The following NOTCH3 variants were observed in gnomAD, a reference collection of about 807,000 sequenced individuals.
NOTCH3 encodes the protein notch receptor 3.
A neutral mutation model predicts 213.3 loss-of-function variants in NOTCH3; 86 were observed. That is an observed-to-expected ratio of 0.40 (90% confidence interval 0.34 to 0.48). The LOEUF (loss-of-function observed/expected upper bound fraction) is 0.48. Among genes scored for constraint, NOTCH3 ranks in the 20% least tolerant of loss-of-function variants. The pLI, the probability that NOTCH3 is intolerant of heterozygous loss-of-function variation, is 0.57. For synonymous variants in NOTCH3, 1,354 were observed against 1,355.9 expected, an observed-to-expected ratio of 1.00 and a Z score of 0.03; for missense variants, 2,783 against 3,272.6, an observed-to-expected ratio of 0.85 and a Z score of 3.65.
At position 15,192,106 on chromosome 19, in the gene NOTCH3, G is replaced by A. The variant is rs769736007; in HGVS notation, c.533C>T (p.Pro178Leu). 3 of 1,613,062 alleles carry A rather than the reference G, an allele frequency of 1.9e-6. No homozygotes were observed. The highest frequency in any genetic ancestry group is 1.7e-5 in the Admixed American group (1 of 60,006). ...CRHGGTCLNTPGSFRCQCPAG... is the reference protein window; with the variant it reads ...CRHGGTCLNTLGSFRCQCPAG... ...TGGACACTGGCAGCGGAAGGAGCCA[G>A]GTGTGTTGAGGCAGGTGCCACCATG... The change falls in exon 4 of 33, where the codon CCT becomes CTT. Residue 178 changes from proline (P) to leucine (L), a missense_variant. Pro to Leu is a moderately conservative substitution (Grantham distance 98). Transcript: ENST00000263388.
intron 12 of NOTCH3, among the ~76,000 whole-genome samples, chr19:15,186,669 C>T (rs371398537): frequency 9.2e-5 from 14 of 152,280 alleles, no homozygotes; most frequent in African/African-American, 1.7e-4. Context: ...CCTCCCAGAG[C>T]GCTGGGATTA....
At position 15,187,971 on chromosome 19, in the gene NOTCH3, G is replaced by C; in HGVS notation, c.1516C>G (p.Leu506Val). 1.9e-6 allele frequency: 3 copies of C among 1,551,016 alleles called. No homozygotes were observed. The highest frequency in any genetic ancestry group is 2.6e-6 in the Non-Finnish European group (3 of 1,146,954). Residue 506 changes from leucine (L) to valine (V), a missense_variant, in exon 10 of 33, where the codon CTG (leucine) becomes GTG (valine). This residue lies in a region of NOTCH3 where 708 missense variants were observed against 906.6 expected (regional missense o/e 0.78). Transcript: ENST00000263388. ...PSGFSGSTCQ[L>V]DVDECASTPC... Reference sequence around the variant, plus strand: ...GTGCTGGCGCATTCGTCCACGTCCAGCTGACACGTGGAGCCGCTGAAGCCT... The same window carrying C: ...GTGCTGGCGCATTCGTCCACGTCCACCTGACACGTGGAGCCGCTGAAGCCT...
At chr19:15,175,241 TA>T (rs2046777170) in intron 24 of NOTCH3, among the ~76,000 whole-genome samples, 1 of 151,532 alleles carries the variant, frequency 6.6e-6, no homozygotes, top group South Asian at 2.1e-4. Flanking sequence ...ATCAATAAAA[TA>T]AAAATACAGG....
Position 15,184,461 on chromosome 19 carries a change from G to A in NOTCH3, c.2411-11C>T, listed in dbSNP as rs201130717. On this transcript the variant is annotated splice_polypyrimidine_tract_variant and intron_variant, in intron 15 of 32. Transcript: ENST00000263388. ...GCTGGCATCGTGGGCCTGGGGGTAG[G>A]GAGCAAGGTTACACCTAGGGTTACA... 6.2e-7 allele frequency: 1 copy of A among 1,613,572 alleles called. No individual in the cohort carries two copies. Among genetic ancestry groups the A allele is most frequent in the South Asian group, 1.1e-5 (1 of 91,048 alleles).
rs552779947 is a variant in NOTCH3 at position 15,161,724 on chromosome 19, C to G, written c.5914-10G>C. Reference sequence around the variant, plus strand: ...ATAGGGGGGTCTCCTCCTGGGGGGCCAGAACCCACAGAGGTCAGCGAAACC... The same window carrying G: ...ATAGGGGGGTCTCCTCCTGGGGGGCGAGAACCCACAGAGGTCAGCGAAACC... On this transcript the variant is annotated splice_polypyrimidine_tract_variant and intron_variant, in intron 32 of 32. Coordinates refer to ENST00000263388, the MANE Select transcript of NOTCH3 (RefSeq NM_000435.3). 9.4e-5 allele frequency: 151 copies of G among 1,612,100 alleles called. 1 individual carries two copies. In the South Asian group the frequency reaches 1.5e-3, roughly 16 times the overall value.
chr19:15,175,260 C>A (rs1033412040), intron 24 of NOTCH3, among the ~76,000 whole-genome samples: 3 of 151,162 alleles, frequency 2.0e-5, no homozygotes, highest in Admixed American at 2.0e-4. Flanking sequence ...AGGCTGGGTG[C>A]GGTGGCTCAT....
intron 32 of NOTCH3, among the ~76,000 whole-genome samples, chr19:15,161,980 G>GTTT (rs774470960): frequency 3.7e-5 from 3 of 81,736 alleles, no homozygotes; most frequent in Admixed American, 1.3e-4. Flanking sequence ...TTTTTTTCTT[G>GTTT]TCTTTTTTTT....
chr19:15,188,271 C>CA lies in NOTCH3; in HGVS notation c.1455_1456insT (p.Asp486Ter). The CA allele has an allele frequency of 1.2e-6, 2 of 1,604,962 alleles. No individual in the cohort carries two copies. Among genetic ancestry groups the CA allele is most frequent in the Non-Finnish European group, 1.7e-6 (2 of 1,175,520 alleles). ...GTGCAGCTGAAGCCATTGACTCGGT[C>CA]CTTGCAGACCCCACCGTTGACACAG... is the stretch of plus-strand genomic sequence containing the variant. On this transcript the variant is annotated frameshift_variant, in exon 9 of 33. Coordinates refer to ENST00000263388, the MANE Select transcript of NOTCH3 (RefSeq NM_000435.3). LOFTEE classifies it high-confidence loss of function.
chr19:15,186,804 CA>C, intron 12 of NOTCH3, 73 bp downstream of exon 12: 2 of 1,226,264 alleles, frequency 1.6e-6, no homozygotes, highest in Non-Finnish European at 2.4e-6. Context: ...AAGATACGGG[CA>C]AAACAGGCCC....
chr19:15,163,403 T>G (rs1482493679), intron 31 of NOTCH3, among the ~76,000 whole-genome samples: 1 of 152,210 alleles, frequency 6.6e-6, no homozygotes, highest in Non-Finnish European at 1.5e-5. Flanking sequence ...GCTCCAACTA[T>G]AGAACTAAAC....
Position 15,161,649 on chromosome 19 carries a change from G to T in NOTCH3, c.5979C>A (p.Asp1993Glu). 2 of 1,613,918 alleles carry T rather than the reference G, an allele frequency of 1.2e-6. No homozygotes were observed. Among genetic ancestry groups the T allele is most frequent in the South Asian group, 2.2e-5 (2 of 91,002 alleles). The change falls in exon 33 of 33, where the codon GAC becomes GAA. Residue 1993 changes from aspartate to glutamate, a missense_variant. Physicochemically the swap from Asp to Glu is conservative, Grantham distance 45. Around this residue, in one of 6 missense-constraint regions of NOTCH3, gnomAD observed 636 missense variants for 801.8 expected, o/e 0.79. Coordinates refer to ENST00000263388, the MANE Select transcript of NOTCH3 (RefSeq NM_000435.3). The part of the protein sequence containing the change: ...GSYEAAKLLL[D>E]HFANREITDH... ...CGGTGATCTCACGGTTGGCAAAGTGGTCCAACAGCAGCTTGGCAGCCTCAT... is the reference window on the plus strand; with the variant it reads ...CGGTGATCTCACGGTTGGCAAAGTGTTCCAACAGCAGCTTGGCAGCCTCAT...
intron 22 of NOTCH3, 36 bp downstream of exon 22, chr19:15,178,989 G>A: frequency 1.9e-6 from 3 of 1,614,132 alleles, no homozygotes; most frequent in African/African-American, 1.3e-5. Flanking sequence ...GGAATGACAG[G>A]CGGGGTCCCA....
Position 15,161,492 on chromosome 19 carries a change from G to T in NOTCH3, c.6136C>A (p.Pro2046Thr). 1 of 1,586,218 alleles carries T rather than the reference G, an allele frequency of 6.3e-7. No individual in the cohort carries two copies. Among genetic ancestry groups the T allele is most frequent in the Non-Finnish European group, 8.6e-7 (1 of 1,166,362 alleles). Residue 2046 changes from proline (P) to threonine (T), a missense_variant, in exon 33 of 33, where the codon CCA becomes ACA. Coordinates refer to ENST00000263388, the MANE Select transcript of NOTCH3 (RefSeq NM_000435.3). ...TTGAGGCCAGGGAGGAAGGCCCCTG[G>T]AGGACAGAGCAGAGGCCCCAGGCCG... ...PHGLGPLLCP[P>T]GAFLPGLKAA... is the part of the protein sequence containing the mutation.
chr19:15,165,829 G>A lies in NOTCH3; in HGVS notation c.5625C>T (p.Pro1875=), dbSNP rs200103009. 19 of 1,613,808 alleles carry A rather than the reference G, an allele frequency of 1.2e-5. No homozygotes were observed. The Admixed American group carries it at 2.2e-4, about 18-fold the overall frequency. The change falls in exon 30 of 33, where the codon CCC becomes CCT. Residue 1875 remains proline (P), a synonymous_variant. Coordinates refer to ENST00000263388, the MANE Select transcript of NOTCH3 (RefSeq NM_000435.3). This position sits in a 1 kb window ranked among gnomAD's most constrained non-coding sequence, Gnocchi z 4.7. The part of the protein sequence containing the change: ...TNAQDHSGRT[P]LHTAVTADAQ... ...CATCGGCTGTGACAGCTGTGTGCAG[G>A]GGAGTGCGGCCTGAGTGGTCCTGGG... is the stretch of plus-strand genomic sequence containing the variant.
intron 23 of NOTCH3, 24 bp from the exon 24 acceptor site, chr19:15,178,114 A>C: frequency 8.2e-7 from 1 of 1,225,642 alleles, no homozygotes; most frequent in African/African-American, 1.6e-5. Context: ...TTGGGGAGGG[A>C]GGGATAAAAA....
In NOTCH3 at chr19:15,161,749, C is replaced by T. The variant is rs200640406; in HGVS notation, c.5914-35G>A. ...CAGAACCCACAGAGGTCAGCGAAAC[C>T]CCAGCTAACAGTAGCAAAGTCTTCC... On this transcript the variant is annotated intron_variant, in intron 32 of 32. Transcript: ENST00000263388. 6.1e-5 allele frequency: 97 copies of T among 1,596,164 alleles called. No homozygotes were observed. In the African/African-American group the frequency reaches 1.2e-3, roughly 20 times the overall value.
At chr19:15,170,849 C>A (rs375515905) in intron 25 of NOTCH3, 24 bp from the exon 26 acceptor site, 2 of 1,611,896 alleles carry the variant, frequency 1.2e-6, no homozygotes, top group Non-Finnish European at 1.7e-6. Context: ...AGGGAGGGAC[C>A]AGAGGGCTCA....
At position 15,161,510 on chromosome 19, in the gene NOTCH3, C is replaced by T; in HGVS notation, c.6118G>A (p.Gly2040Arg). Residue 2040 changes from glycine (G) to arginine (R), a missense_variant, in exon 33 of 33, where the codon GGG becomes AGG. Physicochemically the swap from Gly to Arg is moderately radical, Grantham distance 125. Coordinates refer to ENST00000263388, the MANE Select transcript of NOTCH3 (RefSeq NM_000435.3). The stretch of plus-strand genomic sequence containing the variant: ...GCCCCTGGAGGACAGAGCAGAGGCC[C>T]CAGGCCGTGGGGACCGGGGGGGCTG... ...PRSPPGPHGL[G>R]PLLCPPGAFL... The T allele has an allele frequency of 6.3e-7, 1 of 1,592,364 alleles. No homozygotes were observed. Among genetic ancestry groups the T allele is most frequent in the Non-Finnish European group, 8.5e-7 (1 of 1,169,680 alleles).
In NOTCH3 at chr19:15,160,594, A is replaced by G. The variant is rs555179412; in HGVS notation, c.*68T>C. On this transcript the variant is annotated 3_prime_UTR_variant, in exon 33 of 33. Coordinates refer to ENST00000263388, the MANE Select transcript of NOTCH3 (RefSeq NM_000435.3). ...GAAAAAGACTAAAAGGAAGGAAGAG[A>G]CAGAGAAAGAAAGGAGGCAGGACGG... 3.0e-5 allele frequency: 35 copies of G among 1,179,200 alleles called. No individual in the cohort carries two copies. Among genetic ancestry groups the G allele is most frequent in the Non-Finnish European group, 4.2e-5 (33 of 783,062 alleles). 73.0% of individuals were successfully genotyped at this position (1,179,200 alleles called of 1,614,324 possible). A position where few individuals can be genotyped will look rare whatever the true frequency, so the allele number is the denominator to read the frequency against.
Sources: allele counts gnomAD v4.1 joint callset (sites outside exome capture counted in the v4.1 genomes callset), GRCh38; gene constraint gnomAD v4.1.1; regional missense constraint gnomAD v4.1.1; non-coding constraint Gnocchi (gnomAD v3.1); transcripts MANE v1.5; gene names NCBI Gene and HGNC (gene_info 2026-07-23, HGNC 2026-07-21).